Variants in ALS2CL observed in about 807,000 individuals in gnomAD.
The protein encoded by ALS2CL is ALS2 C-terminal like.
In ALS2CL, 112 loss-of-function variants were observed where a neutral mutation model predicts 127.9. That is an observed-to-expected ratio of 0.88 (90% CI 0.75 to 1.02). The LOEUF is 1.02. Among genes scored for constraint, ALS2CL ranks in the 50% least tolerant of loss-of-function variants. ALS2CL has a pLI of 0.00. For missense variants in ALS2CL, 1,174 were observed against 1,236.7 expected, an observed-to-expected ratio of 0.95 and a Z score of 0.76; for synonymous variants, 519 against 527.6, an observed-to-expected ratio of 0.98 and a Z score of 0.22.
rs1698217908 is a variant in ALS2CL at position 46,669,175 on chromosome 3, C to A, written c.*1809G>T. 1 of 152,084 alleles carries A rather than the reference C, an allele frequency of 6.6e-6. No homozygotes were observed. Among genetic ancestry groups the A allele is most frequent in the Non-Finnish European group, 1.5e-5 (1 of 68,042 alleles). 9.4% of individuals were successfully genotyped at this position (152,084 alleles called of 1,614,324 possible). ...CCTCCCGAGTAGCTGGGACCACAGG[C>A]ACACACCAACACACCCAGCTAATTA... On this transcript the variant is annotated 3_prime_UTR_variant, in exon 26 of 26. Transcript: ENST00000318962.
chr3:46,686,580 G>A lies in ALS2CL; in HGVS notation c.535-141C>T. ...CCTGACAGCTCCTCTTCTGCTGGTG[G>A]GGCAGGGGGTGGAATATGAAGGTGC... On this transcript the variant is annotated intron_variant, in intron 5 of 25. Transcript: ENST00000318962. The surrounding 1 kb of genome is among the most constrained non-coding windows in gnomAD (Gnocchi z 4.3). 1 of 1,231,272 alleles carries A rather than the reference G, an allele frequency of 8.1e-7. No homozygotes were observed. The highest frequency in any genetic ancestry group is 1.1e-6 in the Non-Finnish European group (1 of 899,570). The allele number at this position is 1,231,272 out of a possible 1,614,324, so 76.3% of individuals were successfully genotyped here.
intron 2 of ALS2CL, among the ~76,000 whole-genome samples, chr3:46,688,595 C>A (rs185721279): frequency 6.6e-6 from 1 of 152,150 alleles, no homozygotes; most frequent in African/African-American, 2.4e-5. Flanking sequence ...TACACGAATT[C>A]CCCCCTGGCT....
chr3:46,675,895 A>G, intron 19 of ALS2CL: 1 of 1,436,476 alleles, frequency 7.0e-7, no homozygotes, highest in Non-Finnish European at 9.1e-7. Flanking sequence ...ATAGCATCTA[A>G]GGCTTCTATT....
intron 1 of ALS2CL, among the ~76,000 whole-genome samples, chr3:46,692,803 T>G (rs1700238744): frequency 6.6e-6 from 1 of 152,184 alleles, no homozygotes; most frequent in Non-Finnish European, 1.5e-5. Flanking sequence ...TCCTCTGCAT[T>G]CCTGGCCTCT....
rs1012062753 is a variant in ALS2CL at position 46,693,650 on chromosome 3, C to A, written c.-33G>T. The A allele has an allele frequency of 3.3e-5, 5 of 152,332 alleles. No homozygotes were observed. The highest frequency in any genetic ancestry group is 1.2e-4 in the African/African-American group (5 of 41,462). The allele number at this position is 152,332 out of a possible 1,614,324, so 9.4% of individuals were successfully genotyped here. A position where few individuals can be genotyped will look rare whatever the true frequency, so the allele number is the denominator to read the frequency against. ...CCTTCGTCGCGCCCTTACCTGAGCGCTGTGGTTGCCCCGCGCCGGGACTGC... is the reference window on the plus strand; with the variant it reads ...CCTTCGTCGCGCCCTTACCTGAGCGATGTGGTTGCCCCGCGCCGGGACTGC... On this transcript the variant is annotated 5_prime_UTR_variant, in exon 1 of 26. Transcript: ENST00000318962.
chr3:46,675,001 C>G (rs991821687), intron 20 of ALS2CL: 5 of 390,320 alleles, frequency 1.3e-5, no homozygotes, highest in African/African-American at 2.0e-5. Context: ...GAAAGCAAAA[C>G]CAGGGCCCCA....
rs1575412061 is a variant in ALS2CL, at chr3:46,674,944, G to A, written c.2256-205C>T. On this transcript the variant is annotated intron_variant, in intron 20 of 25. Transcript: ENST00000318962. ...TAACTTCATTCCCTCCTTTGACTTT[G>A]ACAACCAAGATGGCAGGTGGGGCAG... 11 of 487,614 alleles carry A rather than the reference G, an allele frequency of 2.3e-5. No individual in the cohort carries two copies. In the East Asian group the frequency reaches 3.5e-4, roughly 15 times the overall value. The allele number at this position is 487,614 out of a possible 1,614,324, so 30.2% of individuals were successfully genotyped here.
intron 14 of ALS2CL, 48 bp downstream of exon 14, chr3:46,680,382 G>A (rs370294766): frequency 1.1e-4 from 168 of 1,548,120 alleles, no homozygotes; most frequent in Admixed American, 2.3e-4. Context: ...TGCCCCCAGC[G>A]GGAGTGGGGT....
chr3:46,673,240 CCTCTGCAGCCTCCG>C, intron 22 of ALS2CL, 85 bp downstream of exon 22: 1 of 843,540 alleles, frequency 1.2e-6, no homozygotes, highest in Non-Finnish European at 1.7e-6. Flanking sequence ...CTCCCCAGCT[CCTCTGCAGCCTCCG>C]CCCAGCAATC....
rs375720009 is a variant in ALS2CL at position 46,687,148 on chromosome 3, G to A, written c.369C>T (p.Ser123=). Residue 123 remains serine (S), a splice_region_variant and synonymous_variant, in exon 5 of 26, where the codon AGC becomes AGT. Coordinates refer to ENST00000318962, the MANE Select transcript of ALS2CL (RefSeq NM_147129.5). ...CCTTCCGCTGGCCCCGCCAGTACTC[G>A]CTGCGTGTAGAGAGGGCCACGCACC... The part of the protein sequence containing the change: ...QAFQKAAKRR[S]EYWRGQRKAL... The A allele has an allele frequency of 3.5e-5, 55 of 1,563,766 alleles. No individual in the cohort carries two copies. Among genetic ancestry groups the A allele is most frequent in the South Asian group, 2.4e-4 (21 of 86,020 alleles).
In ALS2CL at chr3:46,686,877, G is replaced by T; in HGVS notation, c.534+106C>A. Reference sequence around the variant, plus strand: ...CTCTCCCACCTGCCGGCATGGCTGAGTCCTTCTTGTACTAGGGTTCCTGAG... The same window carrying T: ...CTCTCCCACCTGCCGGCATGGCTGATTCCTTCTTGTACTAGGGTTCCTGAG... On this transcript the variant is annotated intron_variant, in intron 5 of 25. Coordinates refer to ENST00000318962, the MANE Select transcript of ALS2CL (RefSeq NM_147129.5). This position sits in a 1 kb window ranked among gnomAD's most constrained non-coding sequence, Gnocchi z 4.3. 1 of 1,295,766 alleles carries T rather than the reference G, an allele frequency of 7.7e-7. No homozygotes were observed. The highest frequency in any genetic ancestry group is 1.0e-6 in the Non-Finnish European group (1 of 986,628). 80.3% of individuals were successfully genotyped at this position (1,295,766 alleles called of 1,614,324 possible). A position where few individuals can be genotyped will look rare whatever the true frequency, so the allele number is the denominator to read the frequency against.
rs753915113 is a variant in ALS2CL at position 46,671,923 on chromosome 3, T to G, written c.2645A>C (p.Asp882Ala). 1 of 1,613,802 alleles carries G rather than the reference T, an allele frequency of 6.2e-7. No homozygotes were observed. Among genetic ancestry groups the G allele is most frequent in the Non-Finnish European group, 8.5e-7 (1 of 1,179,978 alleles). ...CACGTAGATGAGAAGTGGCAGCAGG[T>G]CGTCCATGGGCAGCTTGTACTCCCG... ...LGREYKLPMDDLLPLLIYVVS... is the reference protein window; with the variant it reads ...LGREYKLPMDALLPLLIYVVS... The change falls in exon 24 of 26, where the codon GAC (aspartate) becomes GCC (alanine). Residue 882 changes from aspartate to alanine, a missense_variant. Coordinates refer to ENST00000318962, the MANE Select transcript of ALS2CL (RefSeq NM_147129.5).
chr3:46,672,344 A>C, intron 22 of ALS2CL, 143 bp from the exon 23 acceptor site: 9 of 1,014,690 alleles, frequency 8.9e-6, no homozygotes, highest in Non-Finnish European at 1.3e-5. Context: ...GGGCTGAGTG[A>C]CCCAGGGCAA....
chr3:46,672,002 C>A lies in ALS2CL; in HGVS notation c.2566G>T (p.Val856Leu), dbSNP rs1344842785. The A allele has an allele frequency of 1.2e-6, 2 of 1,613,956 alleles. No homozygotes were observed. The highest frequency in any genetic ancestry group is 1.7e-6 in the Non-Finnish European group (2 of 1,180,036). Residue 856 changes from valine to leucine, a missense_variant, in exon 24 of 26, where the codon GTG becomes TTG. Val to Leu is a conservative substitution (Grantham distance 32). Transcript: ENST00000318962. ...TTVDPREKLE[V>L]LERTYGEIEG... ...ATTTCCCCGTATGTCCTCTCCAGCA[C>A]CTCCAGCTTCTCCCGTGGGTCCACC...
chr3:46,684,907 G>C (rs982496407), intron 7 of ALS2CL, among the ~76,000 whole-genome samples: 4 of 152,184 alleles, frequency 2.6e-5, no homozygotes, highest in African/African-American at 9.7e-5. Flanking sequence ...TGTCTGCAAG[G>C]GGGTTCCAGG....
chr3:46,681,926 G>T lies in ALS2CL; in HGVS notation c.1175+103C>A. 1 of 1,381,110 alleles carries T rather than the reference G, an allele frequency of 7.2e-7. No homozygotes were observed. Among genetic ancestry groups the T allele is most frequent in the Non-Finnish European group, 1.0e-6 (1 of 994,240 alleles). The allele number at this position is 1,381,110 out of a possible 1,614,324, so 85.6% of individuals were successfully genotyped here. A position where few individuals can be genotyped will look rare whatever the true frequency, so the allele number is the denominator to read the frequency against. On this transcript the variant is annotated intron_variant, in intron 11 of 25. Coordinates refer to ENST00000318962, the MANE Select transcript of ALS2CL (RefSeq NM_147129.5). This position sits in a 1 kb window ranked among gnomAD's most constrained non-coding sequence, Gnocchi z 4.9. ...GATTGTCTCTAAGTTCCTGCTTGAG[G>T]TTTGGGAATTCAGGATGGGGCCGGG...
At chr3:46,684,415 C>G (rs1699614285) in intron 7 of ALS2CL, among the ~76,000 whole-genome samples, 1 of 152,218 alleles carries the variant, frequency 6.6e-6, no homozygotes, top group African/African-American at 2.4e-5. Context: ...ACCACTACGC[C>G]ATCAGGGCCA....
rs923570004 is a variant in ALS2CL, at chr3:46,686,889, C to T, written c.534+94G>A. 2.9e-5 allele frequency: 39 copies of T among 1,351,284 alleles called. No individual in the cohort carries two copies. Among genetic ancestry groups the T allele is most frequent in the Non-Finnish European group, 3.7e-5 (38 of 1,029,574 alleles). 83.7% of individuals were successfully genotyped at this position (1,351,284 alleles called of 1,614,324 possible). ...CCGGCATGGCTGAGTCCTTCTTGTA[C>T]TAGGGTTCCTGAGTATAGGCTGAGC... On this transcript the variant is annotated intron_variant, in intron 5 of 25. Coordinates refer to ENST00000318962, the MANE Select transcript of ALS2CL (RefSeq NM_147129.5). The surrounding 1 kb of genome is among the most constrained non-coding windows in gnomAD (Gnocchi z 4.3).
intron 22 of ALS2CL, among the ~76,000 whole-genome samples, chr3:46,672,572 G>A (rs988241768): frequency 2.6e-5 from 4 of 152,140 alleles, no homozygotes; most frequent in African/African-American, 4.8e-5. Flanking sequence ...TTTCTGACTC[G>A]GTAGGTCTGA....
Sources: allele counts gnomAD v4.1 joint callset (sites outside exome capture counted in the v4.1 genomes callset), GRCh38; gene constraint gnomAD v4.1.1; non-coding constraint Gnocchi (gnomAD v3.1); transcripts MANE v1.5; gene names NCBI Gene and HGNC (gene_info 2026-07-23, HGNC 2026-07-21).